PRKACB: variants seen among roughly 807,000 people sequenced by gnomAD.
PRKACB encodes protein kinase cAMP-activated catalytic subunit beta, also known as cAMP-dependent protein kinase catalytic subunit beta.
In PRKACB, 16 loss-of-function variants were observed where a neutral mutation model predicts 51.4. That is an observed-to-expected ratio of 0.31 (90% CI 0.21 to 0.47). The LOEUF (loss-of-function observed/expected upper bound fraction) is 0.47, where lower values mean the gene tolerates loss of function less well. Ranked by LOEUF, PRKACB falls within the 20% of genes least tolerant of loss-of-function variation. The pLI, the probability that PRKACB is intolerant of heterozygous loss-of-function variation, is 1.00. For missense variants in PRKACB, 309 were observed against 464.5 expected, an observed-to-expected ratio of 0.67 and a Z score of 3.08; for synonymous variants, 147 against 154.4, an observed-to-expected ratio of 0.95 and a Z score of 0.35.
intron 9 of PRKACB, among the ~76,000 whole-genome samples, chr1:84,232,123 T>C (rs771267665): frequency 7.6e-4 from 116 of 152,348 alleles, no homozygotes; most frequent in African/African-American, 2.6e-3. Context: ...ATGTTGTGTG[T>C]TTGCTCTCGT....
intron 1 of PRKACB, among the ~76,000 whole-genome samples, chr1:84,151,172 A>G (rs1183052100): frequency 6.6e-6 from 1 of 152,222 alleles, no homozygotes; most frequent in African/African-American, 2.4e-5. Flanking sequence ...CTAAAGTCAC[A>G]GTAAAGCAAG....
intron 1 of PRKACB, among the ~76,000 whole-genome samples, chr1:84,117,499 G>A (rs185817234): frequency 1.3e-5 from 2 of 152,172 alleles, no homozygotes; most frequent in African/African-American, 4.8e-5. Flanking sequence ...GAACTATTCA[G>A]ATTTTCTATT....
intron 1 of PRKACB, among the ~76,000 whole-genome samples, chr1:84,178,340 T>C (rs1485034466): frequency 6.6e-6 from 1 of 152,138 alleles, no homozygotes; most frequent in Non-Finnish European, 1.5e-5. Flanking sequence ...TTTTTCCTAT[T>C]TGTTTTTAAA....
intron 1 of PRKACB, among the ~76,000 whole-genome samples, chr1:84,131,364 C>A (rs553493929): frequency 6.7e-6 from 1 of 149,636 alleles, no homozygotes; most frequent in Middle Eastern, 3.2e-3. Context: ...AAAATTAATT[C>A]TAAGTAGACT....
chr1:84,161,119 GTTTTT>G (rs1656130186), intron 1 of PRKACB, among the ~76,000 whole-genome samples: 2 of 151,600 alleles, frequency 1.3e-5, no homozygotes. Flanking sequence ...AATTCTGTCC[GTTTTT>G]ATTTTAGTAC....
chr1:84,099,859 G>T (rs1254198231), intron 1 of PRKACB, among the ~76,000 whole-genome samples: 1 of 152,078 alleles, frequency 6.6e-6, no homozygotes, highest in African/African-American at 2.4e-5. Context: ...AGTAGCTATT[G>T]TTTTTAAGGG....
chr1:84,192,576 A>G (rs1667107140), intron 5 of PRKACB, among the ~76,000 whole-genome samples: 1 of 152,174 alleles, frequency 6.6e-6, no homozygotes, highest in Non-Finnish European at 1.5e-5. Context: ...AGGATAAAGA[A>G]GAGGAATTGT....
intron 5 of PRKACB, among the ~76,000 whole-genome samples, chr1:84,194,759 C>CCA (rs991273263): frequency 5.3e-5 from 8 of 151,480 alleles, no homozygotes; most frequent in Middle Eastern, 3.4e-3. Flanking sequence ...ACCAAACCCT[C>CCA]CACACACACA....
chr1:84,216,137 GAGACCAGCCTGGC>G (rs1295938267), intron 9 of PRKACB, among the ~76,000 whole-genome samples: 1 of 152,116 alleles, frequency 6.6e-6, no homozygotes, highest in Non-Finnish European at 1.5e-5. Flanking sequence ...TCAAGAGTTT[GAGACCAGCCTGGC>G]AAACATGGCA....
chr1:84,098,147 G>A (rs1056978542), intron 1 of PRKACB, among the ~76,000 whole-genome samples: 93 of 152,108 alleles, frequency 6.1e-4, no homozygotes, highest in African/African-American at 2.1e-3. Flanking sequence ...TTTTTTAGAT[G>A]TAATGCCTAT....
intron 2 of PRKACB, 119 bp from the exon 3 acceptor site, chr1:84,182,081 C>A: frequency 1.3e-6 from 1 of 754,110 alleles, no homozygotes; most frequent in Non-Finnish European, 1.9e-6. Flanking sequence ...TTTTGTATTG[C>A]ATTTAAATGG....
chr1:84,149,892 AATT>A (rs1374234300), intron 1 of PRKACB, among the ~76,000 whole-genome samples: 1 of 152,148 alleles, frequency 6.6e-6, no homozygotes, highest in Non-Finnish European at 1.5e-5. Flanking sequence ...TTATTATAAT[AATT>A]ATTTTTTCAT....
At chr1:84,137,253 C>T (rs371017425) in intron 1 of PRKACB, among the ~76,000 whole-genome samples, 102 of 152,224 alleles carry the variant, frequency 6.7e-4, no homozygotes, top group African/African-American at 2.3e-3. Flanking sequence ...CGTAAAAAGA[C>T]ATGGATAAAT....
intron 1 of PRKACB, among the ~76,000 whole-genome samples, chr1:84,130,624 G>C (rs1652093767): frequency 6.6e-6 from 1 of 152,162 alleles, no homozygotes; most frequent in African/African-American, 2.4e-5. Context: ...ATATGTAATG[G>C]CTGAAAACTT....
At chr1:84,082,701 A>T (rs115157559) in intron 1 of PRKACB, among the ~76,000 whole-genome samples, 1,744 of 152,306 alleles carry the variant, frequency 0.011, 42 homozygotes, top group African/African-American at 0.04. Flanking sequence ...TGTAGTAGCT[A>T]CTAGCCACAT....
intron 1 of PRKACB, among the ~76,000 whole-genome samples, chr1:84,175,390 G>T (rs1335607510): frequency 6.6e-6 from 1 of 151,618 alleles, no homozygotes; most frequent in Non-Finnish European, 1.5e-5. Flanking sequence ...AAATATGAAT[G>T]ATATTCTTTT....
chr1:84,078,172 G>A, exon 1 of PRKACB: 3 of 782,140 alleles, frequency 3.8e-6, no homozygotes, highest in Non-Finnish European at 5.8e-6. Context: ...CTCAGACCCG[G>A]CCCGGTCTTC....
intron 7 of PRKACB, among the ~76,000 whole-genome samples, chr1:84,201,554 TCC>T (rs1670102963): frequency 6.6e-6 from 1 of 151,970 alleles, no homozygotes; most frequent in East Asian, 1.9e-4. Flanking sequence ...GTTATACCAC[TCC>T]TTCCCTTAAA....
chr1:84,078,990 T>TCTG (rs1216385490), intron 1 of PRKACB, among the ~76,000 whole-genome samples: 1 of 152,200 alleles, frequency 6.6e-6, no homozygotes, highest in African/African-American at 2.4e-5. Flanking sequence ...CATTCAAGGA[T>TCTG]CTGCTACCAA....
Sources: gnomAD v4.1 joint callset for allele counts (sites outside exome capture counted in the v4.1 genomes callset) on GRCh38, gnomAD v4.1.1 for gene constraint, MANE v1.5 for transcripts, NCBI Gene and HGNC (gene_info 2026-07-23, HGNC 2026-07-21) for gene names.